The following PRELID2 variants were observed in gnomAD, a reference collection of about 807,000 sequenced individuals.
PRELID2 encodes PRELI domain containing 2, also known as PRELI domain-containing protein 2.
Under a neutral mutation model 28.4 loss-of-function variants are expected in PRELID2, and 25 were observed. That is an observed-to-expected ratio of 0.88 (90% confidence interval 0.64 to 1.23). PRELID2 has a LOEUF of 1.23. Among genes scored for constraint, PRELID2 ranks in the 50% most tolerant of loss-of-function variants. The pLI is 0.00. For missense variants in PRELID2, 201 were observed against 214.4 expected (o/e 0.94, Z 0.39); for synonymous variants, 76 against 71.6 (o/e 1.06, Z -0.31).
chr5:145,432,379 C>T, the PRELID2 span, among the ~76,000 whole-genome samples: 1 of 143,760 alleles, frequency 7.0e-6, no homozygotes, highest in Non-Finnish European at 1.5e-5. Flanking sequence ...CTGAGTCAAG[C>T]AGCATAAAGC....
At chr5:145,828,065 T>C (rs1755319766) in intron 1 of PRELID2, among the ~76,000 whole-genome samples, 1 of 152,098 alleles carries the variant, frequency 6.6e-6, no homozygotes, top group Non-Finnish European at 1.5e-5. Flanking sequence ...TGAAAAGAAA[T>C]AAAAAACAAA....
At position 145,615,395 on chromosome 5, in the gene PRELID2, G is replaced by A. The variant is rs1360417139; in HGVS notation, n.71-142080C>T. ...GGCTGGAGTGCAGTGGCGCAATCTC[G>A]GCTCACTGCAGGCTCCGCCCCCTGG... On this transcript the variant is annotated intron_variant and non_coding_transcript_variant, in intron 1 of 2. Coordinates refer to the PRELID2 transcript ENST00000510259. 5.6e-5 allele frequency among the ~76,000 whole-genome samples: 7 copies of A among 125,572 alleles called. 1 individual carries two copies. Among genetic ancestry groups the A allele is most frequent in the Non-Finnish European group, 1.1e-4 (7 of 63,086 alleles). 82.4% of individuals were successfully genotyped at this position (125,572 alleles called of 152,430 possible). A position where few individuals can be genotyped will look rare whatever the true frequency, so the allele number is the denominator to read the frequency against.
intron 5 of PRELID2, among the ~76,000 whole-genome samples, chr5:145,781,212 C>G (rs1407238745): frequency 6.6e-6 from 1 of 152,114 alleles, no homozygotes; most frequent in Non-Finnish European, 1.5e-5. Flanking sequence ...AAGAATGCTC[C>G]AGGGGAACAG....
At chr5:145,341,173 G>C in the PRELID2 span, among the ~76,000 whole-genome samples, 1 of 151,582 alleles carries the variant, frequency 6.6e-6, no homozygotes, top group African/African-American at 2.4e-5. Flanking sequence ...GCAAATATCA[G>C]TATAAGGACA....
chr5:145,661,689 A>G (rs1215967340), intron 1 of PRELID2, among the ~76,000 whole-genome samples: 1 of 138,686 alleles, frequency 7.2e-6, no homozygotes, highest in African/African-American at 3.2e-5. Context: ...AAAAAAAAAA[A>G]CATGTTATGC....
intron 1 of PRELID2, among the ~76,000 whole-genome samples, chr5:145,527,379 C>T (rs891460688): frequency 6.6e-6 from 1 of 152,108 alleles, no homozygotes; most frequent in African/African-American, 2.4e-5. Context: ...TAAATTTATG[C>T]AAGAGGTTAC....
the PRELID2 span, among the ~76,000 whole-genome samples, chr5:145,335,044 TA>T: frequency 6.6e-6 from 1 of 152,156 alleles, no homozygotes; most frequent in African/African-American, 2.4e-5. Context: ...TATTATTTTT[TA>T]AGTAAGCTTT....
chr5:145,422,585 T>C, the PRELID2 span, among the ~76,000 whole-genome samples: 1 of 152,132 alleles, frequency 6.6e-6, no homozygotes, highest in Non-Finnish European at 1.5e-5. Context: ...TTCCATTGGC[T>C]TGGTAGATCT....
At chr5:145,739,018 C>T (rs1443362207) in intron 1 of PRELID2, among the ~76,000 whole-genome samples, 2 of 152,050 alleles carry the variant, frequency 1.3e-5, no homozygotes, top group Non-Finnish European at 2.9e-5. Flanking sequence ...CAGGAAGTGG[C>T]AAATTTTCAA....
chr5:145,566,735 G>A (rs1752970441), intron 1 of PRELID2, among the ~76,000 whole-genome samples: 1 of 151,704 alleles, frequency 6.6e-6, no homozygotes, highest in Admixed American at 6.6e-5. Flanking sequence ...AGCTGCTCGG[G>A]AGGGTGATGC....
chr5:145,619,834 C>A (rs1169823284), intron 1 of PRELID2, among the ~76,000 whole-genome samples: 2 of 152,014 alleles, frequency 1.3e-5, no homozygotes, highest in Non-Finnish European at 2.9e-5. Context: ...ATATGAAAAC[C>A]CATTATCAAT....
intron 1 of PRELID2, among the ~76,000 whole-genome samples, chr5:145,488,220 A>C (rs544945088): frequency 6.6e-6 from 1 of 152,042 alleles, no homozygotes; most frequent in African/African-American, 2.4e-5. Context: ...GGAAGACTGG[A>C]AAGTTCAAGA....
intron 1 of PRELID2, among the ~76,000 whole-genome samples, chr5:145,628,662 G>A (rs898539048): frequency 7.9e-5 from 12 of 152,100 alleles, no homozygotes; most frequent in Non-Finnish European, 1.6e-4. Context: ...ATAATAACTT[G>A]AAGTGGAAGA....
At chr5:145,689,984 G>GTT (rs1755113099) in intron 1 of PRELID2, among the ~76,000 whole-genome samples, 1 of 144,320 alleles carries the variant, frequency 6.9e-6, no homozygotes, top group African/African-American at 2.6e-5. Context: ...TTCTGTGGGG[G>GTT]TCTTTTTTTT....
At chr5:145,440,667 TAAC>T in the PRELID2 span, 1 of 152,172 alleles carries the variant, frequency 6.6e-6, no homozygotes, top group East Asian at 1.9e-4. Flanking sequence ...CTCAGAATAA[TAAC>T]AATTGCCAGG....
intron 1 of PRELID2, among the ~76,000 whole-genome samples, chr5:145,709,931 T>A (rs533243988): frequency 1.3e-5 from 2 of 152,336 alleles, no homozygotes; most frequent in African/African-American, 4.8e-5. Context: ...AGAGGGATTA[T>A]TCCAACCCAT....
intron 1 of PRELID2, among the ~76,000 whole-genome samples, chr5:145,486,494 C>T (rs1332360872): frequency 3.9e-5 from 6 of 152,124 alleles, no homozygotes; most frequent in African/African-American, 7.2e-5. Flanking sequence ...CTCTTCCTGC[C>T]AATCACAATT....
the PRELID2 span, among the ~76,000 whole-genome samples, chr5:145,465,999 C>G: frequency 6.6e-6 from 1 of 151,948 alleles, no homozygotes; most frequent in Non-Finnish European, 1.5e-5. Context: ...TATAATTATC[C>G]TTTGGAAATT....
chr5:145,292,634 G>A, the PRELID2 span, among the ~76,000 whole-genome samples: 1 of 151,642 alleles, frequency 6.6e-6, no homozygotes. Flanking sequence ...CTGGGTCACA[G>A]ATGTGTTTTA....
Sources: allele counts gnomAD v4.1 joint callset (sites outside exome capture counted in the v4.1 genomes callset), GRCh38; gene constraint gnomAD v4.1.1; transcripts MANE v1.5; gene names NCBI Gene and HGNC (gene_info 2026-07-23, HGNC 2026-07-21).